Variants in ANO4 observed in about 807,000 individuals in gnomAD.
ANO4 encodes anoctamin 4, also known as anoctamin-4.
In ANO4, 69 loss-of-function variants were observed where a neutral mutation model predicts 141.9. The observed-to-expected ratio is 0.49, with a 90% CI of 0.40 to 0.59. ANO4 has a LOEUF of 0.59. Among genes scored for constraint, ANO4 ranks in the 20% least tolerant of loss-of-function variants. The pLI is 0.00. For synonymous variants in ANO4, 350 were observed against 394.3 expected, an observed-to-expected ratio of 0.89 and a Z score of 1.33; for missense variants, 894 against 1,162.2, an observed-to-expected ratio of 0.77 and a Z score of 3.36.
At chr12:100,846,433 A>G (rs1324932806) in intron 1 of ANO4, among the ~76,000 whole-genome samples, 1 of 152,234 alleles carries the variant, frequency 6.6e-6, no homozygotes, top group African/African-American at 2.4e-5. Context: ...CAATAATTTG[A>G]TGTTATGAAC....
intron 3 of ANO4, among the ~76,000 whole-genome samples, chr12:100,762,395 A>G (rs2032905112): frequency 2.0e-5 from 3 of 152,212 alleles, no homozygotes; most frequent in Admixed American, 6.5e-5. Flanking sequence ...CCAATAGAGC[A>G]ACCACTGATA....
chr12:100,742,413 A>C (rs893352957), intron 3 of ANO4, among the ~76,000 whole-genome samples: 1 of 152,062 alleles, frequency 6.6e-6, no homozygotes, highest in African/African-American at 2.4e-5. Flanking sequence ...TTTATTACTC[A>C]TTTATACTTA....
chr12:100,830,294 CTTCTTTCTT>C (rs1353317564), intron 1 of ANO4, among the ~76,000 whole-genome samples: 1 of 151,980 alleles, frequency 6.6e-6, no homozygotes, highest in Non-Finnish European at 1.5e-5. Flanking sequence ...CCATCTTTCT[CTTCTTTCTT>C]TTCTAAATGG....
chr12:100,942,357 C>A lies in ANO4; in HGVS notation c.298-20C>A. 6.2e-7 allele frequency: 1 copy of A among 1,607,398 alleles called. No individual in the cohort carries two copies. Among genetic ancestry groups the A allele is most frequent in the Admixed American group, 1.7e-5 (1 of 58,450 alleles). On this transcript the variant is annotated intron_variant, in intron 4 of 27. Coordinates refer to ENST00000392977, the MANE Select transcript of ANO4 (RefSeq NM_001286615.2). Reference sequence around the variant, plus strand: ...AATTTGATGAATGACTTAAACTGGTCCCTTTCTCTTTGTGTGCAGACAGTG... The same window carrying A: ...AATTTGATGAATGACTTAAACTGGTACCTTTCTCTTTGTGTGCAGACAGTG...
At chr12:100,875,366 T>C (rs912905296) in intron 1 of ANO4, among the ~76,000 whole-genome samples, 10 of 152,134 alleles carry the variant, frequency 6.6e-5, no homozygotes, top group Non-Finnish European at 1.3e-4. Flanking sequence ...CACGCAGGAA[T>C]GTTCTATGAG....
chr12:100,772,860 T>C (rs539229520), intron 3 of ANO4, among the ~76,000 whole-genome samples: 2 of 152,298 alleles, frequency 1.3e-5, no homozygotes, highest in East Asian at 3.9e-4. Context: ...TCACACGATC[T>C]CAAACACTTG....
Position 101,083,659 on chromosome 12 carries a change from G to C in ANO4, c.1396-19G>C. The C allele has an allele frequency of 6.3e-7, 1 of 1,598,272 alleles. No homozygotes were observed. The highest frequency in any genetic ancestry group is 8.5e-7 in the Non-Finnish European group (1 of 1,176,348). The stretch of plus-strand genomic sequence containing the variant: ...GAGCACCTCTTTAGTGCATTAAAAT[G>C]TGTCTGCTTGTCCTTTAGGAAGAAA... On this transcript the variant is annotated intron_variant, in intron 15 of 27. Coordinates refer to ENST00000392977, the MANE Select transcript of ANO4 (RefSeq NM_001286615.2).
intron 3 of ANO4, among the ~76,000 whole-genome samples, chr12:100,930,950 G>T (rs552081524): frequency 6.6e-6 from 1 of 152,274 alleles, no homozygotes; most frequent in Non-Finnish European, 1.5e-5. Flanking sequence ...GGGCTGTAGG[G>T]TTCCAGAGAA....
intron 1 of ANO4, among the ~76,000 whole-genome samples, chr12:100,869,717 A>G (rs1237530673): frequency 3.3e-5 from 5 of 152,116 alleles, no homozygotes; most frequent in African/African-American, 2.4e-5. Context: ...GATTTTTTCT[A>G]TGCGTGCTCT....
At chr12:101,044,098 A>G (rs1386764533) in intron 13 of ANO4, among the ~76,000 whole-genome samples, 1 of 152,136 alleles carries the variant, frequency 6.6e-6, no homozygotes, top group African/African-American at 2.4e-5. Context: ...CCTCTTCATC[A>G]TCATTATTGT....
chr12:100,989,067 A>G (rs1026422539), intron 8 of ANO4, among the ~76,000 whole-genome samples: 2 of 152,170 alleles, frequency 1.3e-5, no homozygotes, highest in South Asian at 2.1e-4. Context: ...GTGTAACAGT[A>G]AGAGCAGTCT....
At chr12:100,814,422 TG>T (rs2035614105) in intron 1 of ANO4, among the ~76,000 whole-genome samples, 1 of 152,150 alleles carries the variant, frequency 6.6e-6, no homozygotes, top group African/African-American at 2.4e-5. Context: ...CAAGTTCATA[TG>T]ACAACATGCG....
intron 4 of ANO4, among the ~76,000 whole-genome samples, chr12:100,939,740 A>G (rs952611468): frequency 6.6e-6 from 1 of 152,152 alleles, no homozygotes; most frequent in Non-Finnish European, 1.5e-5. Context: ...CACTGGTACA[A>G]AATAAACTTT....
At chr12:100,794,501 G>C (rs560733841), upstream of ANO4, 1 of 152,178 alleles carries the variant, frequency 6.6e-6, no homozygotes, top group African/African-American at 2.4e-5. Flanking sequence ...TTGTCCTGCC[G>C]CTCTCAGAAC....
chr12:100,937,205 A>T (rs1438650018), intron 3 of ANO4, among the ~76,000 whole-genome samples: 1 of 152,228 alleles, frequency 6.6e-6, no homozygotes, highest in East Asian at 1.9e-4. Flanking sequence ...TTTAACAAAT[A>T]TGTGTTGAAG....
chr12:100,988,872 G>GAAAAAAAAAAAAAAAAAAAA (rs748666892), intron 8 of ANO4, among the ~76,000 whole-genome samples: 2 of 65,032 alleles, frequency 3.1e-5, no homozygotes, highest in Non-Finnish European at 5.8e-5. Flanking sequence ...CTCTGTCTCA[G>GAAAAAAAAAAAAAAAAAAAA]AAAAAAAAAA....
chr12:101,037,207 CT>C, intron 10 of ANO4, 57 bp downstream of exon 10: 1 of 1,540,318 alleles, frequency 6.5e-7, no homozygotes, highest in Non-Finnish European at 8.9e-7. Flanking sequence ...CTAAAGTCAG[CT>C]TCTAGAGATA....
chr12:100,778,947 G>T (rs1303888693), intron 3 of ANO4, among the ~76,000 whole-genome samples: 1 of 151,920 alleles, frequency 6.6e-6, no homozygotes, highest in African/African-American at 2.4e-5. Flanking sequence ...TACCTTTGGG[G>T]TATTAGGCAG....
Position 101,086,680 on chromosome 12 carries a change from C to G in ANO4, c.1557C>G (p.Ala519=). 6.2e-7 allele frequency: 1 copy of G among 1,613,622 alleles called. No homozygotes were observed. The highest frequency in any genetic ancestry group is 8.5e-7 in the Non-Finnish European group (1 of 1,179,754). Residue 519 remains alanine (A), a synonymous_variant, in exon 17 of 28, where the codon GCC becomes GCG. Transcript: ENST00000392977. ...GCCAGATCTGCGTGGTGATTGCTGC[C>G]GTGTTCGGGATCGTCATTTACCGGG... ...IFFMICVVIA[A]VFGIVIYRVV...
Sources: gnomAD v4.1 joint callset for allele counts (sites outside exome capture counted in the v4.1 genomes callset) on GRCh38, gnomAD v4.1.1 for gene constraint, MANE v1.5 for transcripts, NCBI Gene and HGNC (gene_info 2026-07-23, HGNC 2026-07-21) for gene names.